The following MFF variants were observed in gnomAD, a reference collection of about 807,000 sequenced individuals.
MFF encodes the protein chromosome 2 open reading frame 33.
A neutral mutation model predicts 36.9 loss-of-function variants in MFF; 12 were observed. The observed-to-expected ratio is 0.33, with a 90% CI of 0.21 to 0.53. The LOEUF (loss-of-function observed/expected upper bound fraction) is 0.53. Among genes scored for constraint, MFF ranks in the 20% least tolerant of loss-of-function variants. The pLI is 0.95. For synonymous variants in MFF, 99 were observed against 126.2 expected (o/e 0.78, Z 1.44); for missense variants, 348 against 366.6 (o/e 0.95, Z 0.42).
intron 5 of MFF, chr2:227,340,609 G>T (rs1032179872): frequency 4.2e-5 from 18 of 425,802 alleles, no homozygotes; most frequent in African/African-American, 3.2e-4. Flanking sequence ...TAATTAAGTT[G>T]TCATAAGATG....
intron 4 of MFF, among the ~76,000 whole-genome samples, chr2:227,338,733 G>A (rs542475944): frequency 9.9e-5 from 15 of 152,006 alleles, no homozygotes; most frequent in African/African-American, 3.6e-4. Flanking sequence ...AGGATGCCGA[G>A]GCAGGAGAAT....
chr2:227,334,779 A>G (rs1436814339), intron 4 of MFF, among the ~76,000 whole-genome samples: 1 of 152,206 alleles, frequency 6.6e-6, no homozygotes, highest in African/African-American at 2.4e-5. Flanking sequence ...TGTCTGTAAT[A>G]GCAAAAAGGT....
chr2:227,329,731 A>G (rs1286905980), intron 2 of MFF: 1 of 1,530,746 alleles, frequency 6.5e-7, no homozygotes, highest in Admixed American at 1.7e-5. Flanking sequence ...ATAGACCTGT[A>G]TTTACTGTAT....
At chr2:227,336,213 C>T (rs915713762) in intron 4 of MFF, among the ~76,000 whole-genome samples, 1 of 152,122 alleles carries the variant, frequency 6.6e-6, no homozygotes, top group Admixed American at 6.5e-5. Context: ...TGGACTCTGC[C>T]GTTAAATCCT....
Position 227,332,412 on chromosome 2 carries a change from C to G in MFF, c.182-7C>G, listed in dbSNP as rs202090250. The G allele has an allele frequency of 1.6e-5, 24 of 1,493,940 alleles. No homozygotes were observed. In the South Asian group the frequency reaches 3.1e-4, roughly 19 times the overall value. The allele number at this position is 1,493,940 out of a possible 1,614,324, so 92.5% of individuals were successfully genotyped here. A position where few individuals can be genotyped will look rare whatever the true frequency, so the allele number is the denominator to read the frequency against. ...TCTTCTTTGTCTCTTTTCTTGAAAA[C>G]TCCTAGGAAATAATGAAGATGTTTC... On this transcript the variant is annotated splice_region_variant and splice_polypyrimidine_tract_variant and intron_variant, in intron 3 of 8. Transcript: ENST00000304593.
In MFF at chr2:227,357,005, G is replaced by A. The variant is rs141775901; in HGVS notation, c.764G>A (p.Arg255His). 4.1e-5 allele frequency: 66 copies of A among 1,612,290 alleles called. No homozygotes were observed. Among genetic ancestry groups the A allele is most frequent in the Admixed American group, 1.0e-4 (6 of 59,932 alleles). Residue 255 changes from arginine to histidine, a missense_variant, in exon 9 of 9, where the codon CGT becomes CAT. Physicochemically the swap from Arg to His is conservative, Grantham distance 29. Coordinates refer to ENST00000304593, the MANE Select transcript of MFF (RefSeq NM_001277062.2). ...ACTTAGATAATCAAACTAAATAGAC[G>A]TCTACAACTTCTGGAAGAGGAGAAC... The part of the protein sequence containing the change: ...LRRQIIKLNR[R>H]LQLLEEENKE...
At chr2:227,329,870 CT>C in intron 2 of MFF, 2 of 827,466 alleles carry the variant, frequency 2.4e-6, no homozygotes, top group Non-Finnish European at 1.9e-6. Flanking sequence ...TAACCATGCT[CT>C]TTTACATTTT....
chr2:227,353,099 T>C (rs2076080731), intron 7 of MFF, among the ~76,000 whole-genome samples: 1 of 152,216 alleles, frequency 6.6e-6, no homozygotes, highest in Non-Finnish European at 1.5e-5. Flanking sequence ...ATTTTTATCA[T>C]CTGTTGATTT....
chr2:227,331,953 G>T (rs1410218725), intron 3 of MFF, among the ~76,000 whole-genome samples: 9 of 137,608 alleles, frequency 6.5e-5, no homozygotes, highest in Admixed American at 1.5e-4. Flanking sequence ...TCAATACGCT[G>T]GAAGCATTTT....
chr2:227,338,973 T>TG (rs1371267977), intron 4 of MFF, among the ~76,000 whole-genome samples: 3 of 151,036 alleles, frequency 2.0e-5, no homozygotes, highest in African/African-American at 7.3e-5. Flanking sequence ...GAGGCCAAGG[T>TG]GGGCAGAACA....
At chr2:227,328,336 T>C (rs4510216) in intron 1 of MFF, among the ~76,000 whole-genome samples, 142,767 of 144,094 alleles carry the variant, frequency 0.99, 70,732 homozygotes, top group East Asian at 1. Flanking sequence ...TCATTTGTTC[T>C]TCTTTAACAT....
chr2:227,354,170 G>A (rs907227153), intron 7 of MFF, among the ~76,000 whole-genome samples: 2 of 152,188 alleles, frequency 1.3e-5, no homozygotes, highest in Non-Finnish European at 2.9e-5. Context: ...AGATTATCTA[G>A]AGTCAGTACA....
At chr2:227,352,237 C>A (rs1181310762) in intron 6 of MFF, 1 of 314,950 alleles carries the variant, frequency 3.2e-6, no homozygotes, top group Non-Finnish European at 5.9e-6. Flanking sequence ...TAAAGTAAAG[C>A]ACCAAGAAAA....
chr2:227,340,789 C>T (rs2075346452), intron 5 of MFF, among the ~76,000 whole-genome samples: 1 of 152,094 alleles, frequency 6.6e-6, no homozygotes, highest in Non-Finnish European at 1.5e-5. Flanking sequence ...GTTTAAAAGA[C>T]TATTTGTTTA....
intron 6 of MFF, among the ~76,000 whole-genome samples, chr2:227,349,915 G>A (rs1207135380): frequency 6.6e-6 from 1 of 151,968 alleles, no homozygotes; most frequent in Non-Finnish European, 1.5e-5. Context: ...ATCACATTAG[G>A]TGTAGTTAAT....
chr2:227,331,889 G>A (rs937327418), intron 3 of MFF, among the ~76,000 whole-genome samples: 5 of 146,200 alleles, frequency 3.4e-5, no homozygotes, highest in African/African-American at 1.3e-4. Flanking sequence ...GTTATATATT[G>A]TACATTGCAT....
At position 227,352,497 on chromosome 2, in the gene MFF, G is replaced by A. The variant is rs552639632; in HGVS notation, c.600-17G>A. 5.0e-5 allele frequency: 80 copies of A among 1,611,760 alleles called. No homozygotes were observed. Among genetic ancestry groups the A allele is most frequent in the Admixed American group, 2.2e-4 (13 of 59,936 alleles). ...CTGATTCTGTCTTGTGCCTTCTCCC[G>A]CAAAAACCTGCCTTAGACCTGTGTT... On this transcript the variant is annotated splice_polypyrimidine_tract_variant and intron_variant, in intron 6 of 8. Transcript: ENST00000304593.
rs1455823115 is a variant in MFF, at chr2:227,356,239, CAT to C, written c.744+479_744+480del. ...CTCGAGTATCACACAGACATACACA[CAT>C]GTGAAGAAGGCATAGTTGGTTTTCT... On this transcript the variant is annotated intron_variant, in intron 8 of 8. Coordinates refer to ENST00000304593, the MANE Select transcript of MFF (RefSeq NM_001277062.2). Among the ~76,000 whole-genome samples, 7 of 152,176 alleles carry C rather than the reference CAT, an allele frequency of 4.6e-5. 1 individual carries two copies. Among genetic ancestry groups the C allele is most frequent in the Non-Finnish European group, 5.9e-5 (4 of 68,036 alleles).
At chr2:227,352,461 TTC>T in intron 6 of MFF, 51 bp from the exon 7 acceptor site, 1 of 1,317,348 alleles carries the variant, frequency 7.6e-7, no homozygotes, top group Non-Finnish European at 1.1e-6. Flanking sequence ...ATTTTATTAC[TTC>T]TCTGTTTCCT....
Sources: allele counts gnomAD v4.1 joint callset (sites outside exome capture counted in the v4.1 genomes callset), GRCh38; gene constraint gnomAD v4.1.1; transcripts MANE v1.5; gene names NCBI Gene and HGNC (gene_info 2026-07-23, HGNC 2026-07-21).